The following LRIF1 variants were observed in gnomAD, a reference collection of about 807,000 sequenced individuals.
LRIF1 encodes the protein ligand-dependent nuclear receptor-interacting factor 1.
Under a neutral mutation model 52.7 loss-of-function variants are expected in LRIF1, and 32 were observed. The ratio of observed to expected loss-of-function variants is 0.61; its 90% CI spans 0.46 to 0.82. The LOEUF (loss-of-function observed/expected upper bound fraction) is 0.82, where lower values mean the gene tolerates loss of function less well. Among genes scored for constraint, LRIF1 ranks in the 40% least tolerant of loss-of-function variants. The probability of loss-of-function intolerance (pLI) is 0.00; values close to 1 mark genes in which losing one functional copy is unlikely to be tolerated. For synonymous variants in LRIF1, 323 were observed against 317.4 expected (o/e 1.02, Z -0.19); for missense variants, 887 against 892.0 (o/e 0.99, Z 0.07).
downstream of LRIF1, chr1:110,944,366 A>G (rs1399378812): frequency 1.3e-5 from 2 of 152,206 alleles, no homozygotes; most frequent in Non-Finnish European, 2.9e-5. Context: ...TAGGTTTGAG[A>G]TGTCTATTTA....
chr1:110,887,113 T>C, the LRIF1 span, among the ~76,000 whole-genome samples: 33 of 151,242 alleles, frequency 2.2e-4, no homozygotes, highest in African/African-American at 8.0e-4. Flanking sequence ...ACCCAGGCTG[T>C]AGTGCAGTGG....
At chr1:110,942,170 A>G in the LRIF1 span, 2 of 152,152 alleles carry the variant, frequency 1.3e-5, no homozygotes, top group Non-Finnish European at 2.9e-5. Flanking sequence ...AACTAAGAAC[A>G]ATATTGCAAC....
At chr1:110,951,176 G>A (rs1658456699) in intron 2 of LRIF1, 112 bp downstream of exon 2, 1 of 850,172 alleles carries the variant, frequency 1.2e-6, no homozygotes, top group African/African-American at 1.7e-5. Flanking sequence ...TAGTCTGTGT[G>A]TGATGGGGTT....
chr1:110,928,919 T>C, the LRIF1 span, among the ~76,000 whole-genome samples: 1 of 152,324 alleles, frequency 6.6e-6, no homozygotes, highest in South Asian at 2.1e-4. Flanking sequence ...AGATAAAACA[T>C]CACTAGAGAG....
chr1:110,952,106 G>C lies in LRIF1; in HGVS notation c.778C>G (p.Pro260Ala). ...ATTTGTGTGGTATTTAGTATTACTGGCTTTGCTATTTCTGTAACAGGTTTT... is the reference window on the plus strand; with the variant it reads ...ATTTGTGTGGTATTTAGTATTACTGCCTTTGCTATTTCTGTAACAGGTTTT... ...YPKPVTEIAKPVILNTTQIPK... is the reference protein window; with the variant it reads ...YPKPVTEIAKAVILNTTQIPK... Residue 260 changes from proline to alanine, a missense_variant, in exon 2 of 4, where the codon CCA (proline) becomes GCA (alanine). Pro to Ala is a conservative substitution (Grantham distance 27, BLOSUM62 -1). Coordinates refer to ENST00000369763, the MANE Select transcript of LRIF1 (RefSeq NM_018372.4). 6.2e-7 allele frequency: 1 copy of C among 1,614,128 alleles called. No homozygotes were observed. The highest frequency in any genetic ancestry group is 1.3e-5 in the African/African-American group (1 of 75,028).
At chr1:110,921,516 A>C in the LRIF1 span, among the ~76,000 whole-genome samples, 99 of 152,332 alleles carry the variant, frequency 6.5e-4, no homozygotes, top group Non-Finnish European at 1.3e-3. Context: ...TACAACAAAA[A>C]AGCATTATTA....
At chr1:110,933,834 T>A in the LRIF1 span, among the ~76,000 whole-genome samples, 1 of 152,132 alleles carries the variant, frequency 6.6e-6, no homozygotes, top group East Asian at 1.9e-4. Context: ...GGGGGACATG[T>A]GACCTATGGA....
At chr1:110,953,014 G>A in intron 1 of LRIF1, 199 bp from the exon 2 acceptor site, 2 of 243,414 alleles carry the variant, frequency 8.2e-6, no homozygotes, top group East Asian at 7.7e-5. Context: ...TATATGATTA[G>A]GCAATGGGTA....
the LRIF1 span, among the ~76,000 whole-genome samples, chr1:110,898,363 C>T: frequency 3.9e-5 from 5 of 128,738 alleles, no homozygotes; most frequent in East Asian, 1.2e-3. Flanking sequence ...GGCGACAGAG[C>T]GAGACTCTGT....
intron 1 of LRIF1, among the ~76,000 whole-genome samples, chr1:110,954,916 GA>G (rs1658634773): frequency 1.3e-5 from 2 of 152,312 alleles, no homozygotes; most frequent in African/African-American, 4.8e-5. Flanking sequence ...AGCTTAGAAA[GA>G]ATCCTTCTCT....
At chr1:110,941,666 G>C in the LRIF1 span, 1 of 151,908 alleles carries the variant, frequency 6.6e-6, no homozygotes, top group Non-Finnish European at 1.5e-5. Flanking sequence ...ACTTTCATTT[G>C]TTAGTATTTG....
At chr1:110,927,256 G>T in the LRIF1 span, among the ~76,000 whole-genome samples, 1 of 152,194 alleles carries the variant, frequency 6.6e-6, no homozygotes, top group Non-Finnish European at 1.5e-5. Context: ...GTATGTGTGT[G>T]AGTCTGTATG....
chr1:110,897,282 A>G, the LRIF1 span, among the ~76,000 whole-genome samples: 28 of 152,240 alleles, frequency 1.8e-4, no homozygotes, highest in Non-Finnish European at 7.3e-5. Context: ...AACTAGACCG[A>G]ATCCCTGAGG....
chr1:110,900,414 T>C, the LRIF1 span, among the ~76,000 whole-genome samples: 1 of 152,198 alleles, frequency 6.6e-6, no homozygotes, highest in Non-Finnish European at 1.5e-5. Context: ...TCACATAGGC[T>C]GGAGTGCAGT....
the LRIF1 span, among the ~76,000 whole-genome samples, chr1:110,881,212 C>A: frequency 6.6e-6 from 1 of 152,008 alleles, no homozygotes; most frequent in South Asian, 2.1e-4. Flanking sequence ...TTCTGTAATC[C>A]CTTTCTCTCA....
chr1:110,963,649 C>T lies in LRIF1; in HGVS notation c.40G>A (p.Glu14Lys). The change falls in exon 1 of 4, where the codon GAG becomes AAG. Residue 14 changes from glutamate (E) to lysine (K), a missense_variant. By Grantham distance (56) the Glu-to-Lys change is moderately conservative. Coordinates refer to ENST00000369763, the MANE Select transcript of LRIF1 (RefSeq NM_018372.4). ...CGCGAGGCGTTGCCTGAATTTTCCT[C>T]TGCGGGTTTCAGGAAGACCCTCCGT... ...NLRRVFLKPA[E>K]ENSGNASRCV... The T allele has an allele frequency of 6.2e-7, 1 of 1,610,364 alleles. No homozygotes were observed. The highest frequency in any genetic ancestry group is 8.5e-7 in the Non-Finnish European group (1 of 1,177,072).
At chr1:110,894,290 G>C in the LRIF1 span, 1 of 1,580,550 alleles carries the variant, frequency 6.3e-7, no homozygotes, top group Non-Finnish European at 8.7e-7. Context: ...ACGAGAATGG[G>C]GATCAGTGCT....
the LRIF1 span, among the ~76,000 whole-genome samples, chr1:110,925,260 C>T: frequency 6.6e-6 from 1 of 152,184 alleles, no homozygotes; most frequent in Non-Finnish European, 1.5e-5. Context: ...AACAAACAAA[C>T]TGACCTTCCT....
the LRIF1 span, among the ~76,000 whole-genome samples, chr1:110,881,059 A>T: frequency 6.6e-6 from 1 of 152,214 alleles, no homozygotes; most frequent in Non-Finnish European, 1.5e-5. Flanking sequence ...TTTAAAGTAT[A>T]ATACAGGGGG....
Sources: gnomAD v4.1 joint callset for allele counts (sites outside exome capture counted in the v4.1 genomes callset) on GRCh38, gnomAD v4.1.1 for gene constraint, MANE v1.5 for transcripts, NCBI Gene and HGNC (gene_info 2026-07-23, HGNC 2026-07-21) for gene names.